The following WWOX variants were observed in gnomAD, a reference collection of about 807,000 sequenced individuals.
WWOX encodes WW domain-containing oxidoreductase.
WWOX carries 69 observed loss-of-function variants against 46.2 expected under a neutral mutation model. The observed-to-expected ratio is 1.49, with a 90% confidence interval of 1.23 to 1.82. The LOEUF is 1.82. WWOX is among the 40% of genes most tolerant of loss of function. The probability of loss-of-function intolerance (pLI) is 0.00; values close to 1 mark genes in which losing one functional copy is unlikely to be tolerated. For missense variants in WWOX, 919 were observed against 542.6 expected (o/e 1.69, Z -6.89); for synonymous variants, 359 against 202.6 (o/e 1.77, Z -6.56).
At chr16:78,351,563 A>G (rs1033627682) in intron 5 of WWOX, among the ~76,000 whole-genome samples, 2 of 152,174 alleles carry the variant, frequency 1.3e-5, no homozygotes, top group Admixed American at 1.3e-4. Flanking sequence ...AATATTTAAC[A>G]TTCACGGATG....
chr16:78,360,080 A>T (rs1264073933), intron 5 of WWOX, among the ~76,000 whole-genome samples: 1 of 152,222 alleles, frequency 6.6e-6, no homozygotes, highest in Non-Finnish European at 1.5e-5. Flanking sequence ...CTTGTCAAAA[A>T]GATTTTCCCC....
chr16:78,679,013 G>C (rs1399085358), intron 8 of WWOX, among the ~76,000 whole-genome samples: 1 of 152,150 alleles, frequency 6.6e-6, no homozygotes, highest in Non-Finnish European at 1.5e-5. Flanking sequence ...CCAGTGGAGA[G>C]ACAGGAAAGC....
chr16:78,643,242 A>G (rs1107455), intron 8 of WWOX, among the ~76,000 whole-genome samples: 48,163 of 152,108 alleles, frequency 0.32, 8,899 homozygotes, highest in African/African-American at 0.52. Context: ...CCTAGAAAAC[A>G]TGAATAATTA....
intron 5 of WWOX, chr16:78,167,275 A>C (rs1208912784): frequency 6.6e-6 from 1 of 152,294 alleles, no homozygotes; most frequent in African/African-American, 2.4e-5. Flanking sequence ...CTCTGGATCT[A>C]TTTGGAGCCT....
At chr16:78,683,236 C>G (rs73567595) in intron 8 of WWOX, among the ~76,000 whole-genome samples, 3 of 151,818 alleles carry the variant, frequency 2.0e-5, no homozygotes, top group East Asian at 1.9e-4. Flanking sequence ...AGGAGGTGGG[C>G]GCGGTGGCTC....
At chr16:79,009,901 A>G (rs1174917713) in intron 8 of WWOX, among the ~76,000 whole-genome samples, 1 of 152,192 alleles carries the variant, frequency 6.6e-6, no homozygotes, top group Admixed American at 6.5e-5. Flanking sequence ...GAGCTTTGGA[A>G]CTTATCAAGT....
At chr16:78,217,536 C>T (rs982081494) in intron 5 of WWOX, among the ~76,000 whole-genome samples, 5 of 152,086 alleles carry the variant, frequency 3.3e-5, no homozygotes, top group African/African-American at 7.2e-5. Context: ...GTGATCCTGC[C>T]GATGAGATGA....
intron 8 of WWOX, among the ~76,000 whole-genome samples, chr16:78,746,915 T>C (rs573761667): frequency 6.6e-6 from 1 of 152,248 alleles, no homozygotes; most frequent in Non-Finnish European, 1.5e-5. Flanking sequence ...AGCTGATGAA[T>C]ACACCACTCC....
At chr16:78,497,779 C>A (rs1160908161) in intron 8 of WWOX, among the ~76,000 whole-genome samples, 1 of 151,596 alleles carries the variant, frequency 6.6e-6, no homozygotes, top group East Asian at 1.9e-4. Context: ...TCACCCTTAG[C>A]TGTTTTTCAC....
chr16:78,887,083 TG>T (rs1439884705), intron 8 of WWOX, among the ~76,000 whole-genome samples: 204 of 11,014 alleles, frequency 0.019, no homozygotes, highest in Admixed American at 0.032. Flanking sequence ...GTGTGGTGTG[TG>T]TGTGTGTGTG....
In WWOX at chr16:78,484,524, C is replaced by T. The variant is rs185030621; in HGVS notation, c.1056+51772C>T. ...GACTTATTAGCTGCATTTATATCTG[C>T]GTGTTATCCACAATTGACTTATAGT... On this transcript the variant is annotated intron_variant, in intron 8 of 8. Coordinates refer to ENST00000566780, the MANE Select transcript of WWOX (RefSeq NM_016373.4). Among the ~76,000 whole-genome samples, 207 of 152,244 alleles carry T rather than the reference C, an allele frequency of 1.4e-3. 1 individual carries two copies. Among genetic ancestry groups the T allele is most frequent in the Non-Finnish European group, 2.4e-3 (166 of 68,016 alleles).
chr16:78,293,106 TTCC>T (rs2079886015), intron 5 of WWOX, among the ~76,000 whole-genome samples: 1 of 152,190 alleles, frequency 6.6e-6, no homozygotes, highest in South Asian at 2.1e-4. Context: ...GATCATATTC[TTCC>T]TGGATTTTGG....
chr16:78,459,636 A>G (rs2083904400), intron 8 of WWOX, among the ~76,000 whole-genome samples: 1 of 152,178 alleles, frequency 6.6e-6, no homozygotes, highest in African/African-American at 2.4e-5. Context: ...TGCGTGTGCC[A>G]TTATTATAGA....
intron 4 of WWOX, among the ~76,000 whole-genome samples, chr16:78,141,987 A>T (rs921363182): frequency 1.8e-5 from 2 of 114,132 alleles, no homozygotes; most frequent in South Asian, 2.7e-4. Flanking sequence ...ATAAAATTTT[A>T]AATTTCTTTT....
intron 5 of WWOX, among the ~76,000 whole-genome samples, chr16:78,279,499 A>G (rs1355943038): frequency 6.6e-6 from 1 of 152,210 alleles, no homozygotes; most frequent in Non-Finnish European, 1.5e-5. Flanking sequence ...CTAAGAAATC[A>G]ATTTCAATTT....
At chr16:78,841,842 A>C (rs1263060078) in intron 8 of WWOX, among the ~76,000 whole-genome samples, 1 of 152,238 alleles carries the variant, frequency 6.6e-6, no homozygotes, top group Non-Finnish European at 1.5e-5. Flanking sequence ...GTTATTCATG[A>C]ATTTTATTTC....
At chr16:78,861,867 C>G (rs761238289) in intron 8 of WWOX, among the ~76,000 whole-genome samples, 1 of 152,166 alleles carries the variant, frequency 6.6e-6, no homozygotes, top group South Asian at 2.1e-4. Flanking sequence ...CTAATGTTTT[C>G]TATTCAAGGT....
intron 8 of WWOX, among the ~76,000 whole-genome samples, chr16:78,894,904 A>C (rs2044668352): frequency 6.6e-6 from 1 of 152,162 alleles, no homozygotes; most frequent in African/African-American, 2.4e-5. Flanking sequence ...TTTCAATCAG[A>C]AATTATCTGA....
At chr16:78,481,758 T>TGTGTGTGTGTGTGTGC (rs1567598396) in intron 8 of WWOX, among the ~76,000 whole-genome samples, 4 of 148,550 alleles carry the variant, frequency 2.7e-5, no homozygotes, top group African/African-American at 7.8e-5. Flanking sequence ...TGTGTGTGTG[T>TGTGTGTGTGTGTGTGC]GTGTGTGCGC....
Sources: gnomAD v4.1 joint callset for allele counts (sites outside exome capture counted in the v4.1 genomes callset) on GRCh38, gnomAD v4.1.1 for gene constraint, MANE v1.5 for transcripts, NCBI Gene and HGNC (gene_info 2026-07-23, HGNC 2026-07-21) for gene names.